MME: variants seen among roughly 807,000 people sequenced by gnomAD.
MME encodes neprilysin.
A neutral mutation model predicts 113.2 loss-of-function variants in MME; 98 were observed. The observed-to-expected ratio is 0.87, with a 90% CI of 0.74 to 1.02. MME has a LOEUF of 1.02. Among genes scored for constraint, MME ranks in the 50% least tolerant of loss-of-function variants. MME has a pLI of 0.00. For synonymous variants in MME, 292 were observed against 300.6 expected, an observed-to-expected ratio of 0.97 and a Z score of 0.30; for missense variants, 836 against 896.0, an observed-to-expected ratio of 0.93 and a Z score of 0.86.
chr3:155,144,333 A>G (rs200697660), intron 13 of MME, 26 bp from the exon 14 acceptor site: 2 of 1,456,908 alleles, frequency 1.4e-6, no homozygotes, highest in Non-Finnish European at 1.9e-6. Context: ...TTAATGACCT[A>G]TATTTGTCTT....
intron 1 of MME, chr3:155,080,884 AT>A (rs1176593650): frequency 6.6e-6 from 1 of 152,202 alleles, no homozygotes; most frequent in East Asian, 1.9e-4. Flanking sequence ...GTGTAGCTTC[AT>A]CCCCTGCCAT....
chr3:155,042,295 G>T (rs1329974243), intron 1 of MME, among the ~76,000 whole-genome samples: 1 of 152,102 alleles, frequency 6.6e-6, no homozygotes, highest in African/African-American at 2.4e-5. Flanking sequence ...TGTGTGTCTA[G>T]CTAATTACTT....
intron 22 of MME, among the ~76,000 whole-genome samples, chr3:155,176,411 C>T (rs1309014622): frequency 6.6e-6 from 1 of 152,126 alleles, no homozygotes; most frequent in African/African-American, 2.4e-5. Context: ...AACACAAGCA[C>T]ACAGTTTTGT....
upstream of MME, among the ~76,000 whole-genome samples, chr3:155,075,185 A>C (rs939934923): frequency 1.3e-5 from 2 of 151,708 alleles, no homozygotes; most frequent in African/African-American, 4.8e-5. Context: ...CAGCCTGCTG[A>C]ATTGATTAAT....
chr3:155,091,281 A>G (rs1335384606), intron 3 of MME, among the ~76,000 whole-genome samples: 2 of 152,214 alleles, frequency 1.3e-5, no homozygotes, highest in Non-Finnish European at 2.9e-5. Context: ...TGTCAATCAG[A>G]TCCTTTCCAA....
intron 3 of MME, among the ~76,000 whole-genome samples, chr3:155,102,472 T>C (rs570759021): frequency 6.6e-6 from 1 of 152,282 alleles, no homozygotes; most frequent in South Asian, 2.1e-4. Flanking sequence ...TGAGGCTTCA[T>C]CCCCTCACCT....
At chr3:155,072,167 C>CAAAA (rs71155031) in intron 1 of MME, among the ~76,000 whole-genome samples, 1,007 of 64,936 alleles carry the variant, frequency 0.016, 62 homozygotes, top group African/African-American at 0.063. Flanking sequence ...GACTCCGTCT[C>CAAAA]AAAAAAAAAA....
chr3:155,057,050 T>C (rs1354839056), intron 1 of MME, among the ~76,000 whole-genome samples: 2 of 152,108 alleles, frequency 1.3e-5, no homozygotes, highest in African/African-American at 4.8e-5. Context: ...GGACTTCATG[T>C]CTAACACACC....
In MME at chr3:155,142,279, T is replaced by G. The variant is rs778411008; in HGVS notation, c.1137T>G (p.Leu379=). Residue 379 remains leucine (L), a synonymous_variant, in exon 12 of 23, where the codon CTT becomes CTG. Transcript: ENST00000360490. Reference sequence around the variant, plus strand: ...TGTCCTGGAGATTCATAATGGATCTTGTAAGCAGCCTCAGCCGAACCTACA... The same window carrying G: ...TGTCCTGGAGATTCATAATGGATCTGGTAAGCAGCCTCAGCCGAACCTACA... ...NLMSWRFIMD[L]VSSLSRTYKE... is the part of the protein sequence containing the mutation. 4.3e-6 allele frequency: 7 copies of G among 1,613,684 alleles called. No homozygotes were observed. The highest frequency in any genetic ancestry group is 4.5e-5 in the East Asian group (2 of 44,852).
At chr3:155,096,673 GC>G (rs960307685) in intron 3 of MME, among the ~76,000 whole-genome samples, 10 of 152,192 alleles carry the variant, frequency 6.6e-5, no homozygotes, top group African/African-American at 2.4e-4. Context: ...TATTATGGTT[GC>G]CTGGATTTGA....
intron 8 of MME, among the ~76,000 whole-genome samples, chr3:155,133,132 A>G (rs1373603436): frequency 6.8e-6 from 1 of 147,524 alleles, no homozygotes; most frequent in Non-Finnish European, 1.5e-5. Flanking sequence ...CACATTTTCC[A>G]TATCTGGAAG....
At chr3:155,133,879 G>A (rs1379442841) in intron 8 of MME, among the ~76,000 whole-genome samples, 1 of 149,074 alleles carries the variant, frequency 6.7e-6, no homozygotes, top group Non-Finnish European at 1.5e-5. Context: ...CTACCATTTT[G>A]TTTATAGTCA....
chr3:155,101,752 C>G (rs563786430), intron 3 of MME, among the ~76,000 whole-genome samples: 5 of 152,138 alleles, frequency 3.3e-5, no homozygotes, highest in African/African-American at 1.2e-4. Context: ...CCCTGTGTGA[C>G]TTATTTCTGT....
At chr3:155,161,880 G>C (rs914371013) in intron 17 of MME, among the ~76,000 whole-genome samples, 1 of 152,170 alleles carries the variant, frequency 6.6e-6, no homozygotes, top group Non-Finnish European at 1.5e-5. Flanking sequence ...AACCTTTGCA[G>C]TCAGTCCTTT....
chr3:155,032,999 T>C (rs543498901), intron 1 of MME, among the ~76,000 whole-genome samples: 5 of 152,336 alleles, frequency 3.3e-5, no homozygotes, highest in African/African-American at 1.2e-4. Flanking sequence ...CATTCCATAC[T>C]AAAGATGTAA....
At chr3:155,063,362 TA>T (rs1228353712) in intron 1 of MME, among the ~76,000 whole-genome samples, 2 of 106,030 alleles carry the variant, frequency 1.9e-5, no homozygotes, top group African/African-American at 8.4e-5. Flanking sequence ...ATATTATATT[TA>T]TATATATTTA....
At chr3:155,083,579 T>C (rs929060301) in intron 1 of MME, 1 of 157,418 alleles carries the variant, frequency 6.4e-6, no homozygotes, top group South Asian at 1.9e-4. Flanking sequence ...TCAGTAGTAG[T>C]AGTAATTTTG....
chr3:155,086,405 G>T (rs80221741), intron 3 of MME, among the ~76,000 whole-genome samples: 6,694 of 152,234 alleles, frequency 0.044, 169 homozygotes, highest in Non-Finnish European at 0.049. Flanking sequence ...CTGGAATTTG[G>T]ATTTGAGATC....
intron 3 of MME, among the ~76,000 whole-genome samples, chr3:155,107,320 T>A (rs1370110884): frequency 3.5e-5 from 5 of 143,646 alleles, no homozygotes; most frequent in Non-Finnish European, 7.5e-5. Flanking sequence ...GCCATTGCAC[T>A]CCAGCCTAGG....
Sources: gnomAD v4.1 joint callset for allele counts (sites outside exome capture counted in the v4.1 genomes callset) on GRCh38, gnomAD v4.1.1 for gene constraint, MANE v1.5 for transcripts, NCBI Gene and HGNC (gene_info 2026-07-23, HGNC 2026-07-21) for gene names.